The following CRPPA variants were observed in gnomAD, a reference collection of about 807,000 sequenced individuals.
CRPPA encodes the protein D-ribitol-5-phosphate cytidylyltransferase.
CRPPA carries 43 observed loss-of-function variants against 52.0 expected under a neutral mutation model. The ratio of observed to expected loss-of-function variants is 0.83; its 90% CI spans 0.65 to 1.07. The LOEUF (loss-of-function observed/expected upper bound fraction) is 1.07, where lower values mean the gene tolerates loss of function less well. Ranked by LOEUF, CRPPA falls within the 50% of genes least tolerant of loss-of-function variation. The pLI, the probability that CRPPA is intolerant of heterozygous loss-of-function variation, is 0.00. For synonymous variants in CRPPA, 250 were observed against 203.5 expected, an observed-to-expected ratio of 1.23 and a Z score of -1.94; for missense variants, 629 against 551.7, an observed-to-expected ratio of 1.14 and a Z score of -1.40.
chr7:16,094,028 T>G (rs1781889144), intron 9 of CRPPA, among the ~76,000 whole-genome samples: 1 of 152,174 alleles, frequency 6.6e-6, no homozygotes, highest in African/African-American at 2.4e-5. Context: ...AAGGAAAAAC[T>G]GTTTAGGATC....
At chr7:16,203,441 A>G (rs1022531983) in intron 9 of CRPPA, among the ~76,000 whole-genome samples, 1 of 152,216 alleles carries the variant, frequency 6.6e-6, no homozygotes, top group Non-Finnish European at 1.5e-5. Flanking sequence ...CAACAGGCTT[A>G]ATCAGAGTTA....
At chr7:16,300,477 G>A (rs549633896) in intron 5 of CRPPA, among the ~76,000 whole-genome samples, 5 of 152,300 alleles carry the variant, frequency 3.3e-5, no homozygotes, top group South Asian at 2.1e-4. Flanking sequence ...GGATTGGGGT[G>A]AACATCTCCG....
At chr7:16,094,931 G>A (rs139357072) in intron 9 of CRPPA, among the ~76,000 whole-genome samples, 20 of 152,108 alleles carry the variant, frequency 1.3e-4, no homozygotes, top group African/African-American at 4.6e-4. Context: ...AAGTAACATG[G>A]GGTACTGGAA....
intron 3 of CRPPA, among the ~76,000 whole-genome samples, chr7:16,374,160 C>T (rs556990006): frequency 6.6e-6 from 1 of 152,224 alleles, no homozygotes; most frequent in East Asian, 1.9e-4. Flanking sequence ...GGAAAACCCA[C>T]CTTCAATGTG....
At chr7:16,227,295 T>C (rs1435977711) in intron 8 of CRPPA, among the ~76,000 whole-genome samples, 1 of 151,810 alleles carries the variant, frequency 6.6e-6, no homozygotes, top group East Asian at 1.9e-4. Context: ...TATTTTTAAT[T>C]TGTTAGGAAT....
At chr7:16,117,305 G>A (rs1282105983) in intron 9 of CRPPA, among the ~76,000 whole-genome samples, 1 of 152,164 alleles carries the variant, frequency 6.6e-6, no homozygotes, top group Admixed American at 6.5e-5. Flanking sequence ...GCAGCATCAG[G>A]GGTGAGTTCT....
At chr7:16,249,073 G>A (rs559894354) in intron 8 of CRPPA, among the ~76,000 whole-genome samples, 1 of 152,220 alleles carries the variant, frequency 6.6e-6, no homozygotes, top group East Asian at 1.9e-4. Context: ...TTAAGTAGGC[G>A]GTTTTATGCT....
At chr7:16,224,133 C>A (rs925848700) in intron 8 of CRPPA, among the ~76,000 whole-genome samples, 2 of 151,844 alleles carry the variant, frequency 1.3e-5, no homozygotes, top group Admixed American at 6.6e-5. Flanking sequence ...TGTGGGTGGG[C>A]GAGGTTTCCG....
chr7:16,190,543 T>C (rs1387708775), intron 9 of CRPPA, among the ~76,000 whole-genome samples: 1 of 152,218 alleles, frequency 6.6e-6, no homozygotes, highest in Non-Finnish European at 1.5e-5. Context: ...CTGATTATGC[T>C]ATTCCTCCCG....
intron 9 of CRPPA, among the ~76,000 whole-genome samples, chr7:16,176,374 G>A (rs947998155): frequency 6.6e-5 from 10 of 152,116 alleles, no homozygotes; most frequent in South Asian, 2.1e-4. Flanking sequence ...CAACCAAAGC[G>A]ATTCACCAAA....
intron 1 of CRPPA, among the ~76,000 whole-genome samples, chr7:16,416,335 G>T (rs931812171): frequency 4.6e-5 from 7 of 152,000 alleles, no homozygotes; most frequent in Non-Finnish European, 8.8e-5. Flanking sequence ...AATAAAACTG[G>T]ACCCCTACCT....
chr7:16,217,900 A>G (rs1293470054), intron 8 of CRPPA, among the ~76,000 whole-genome samples: 1 of 152,024 alleles, frequency 6.6e-6, no homozygotes, highest in African/African-American at 2.4e-5. Flanking sequence ...TCCCCAATCT[A>G]GCAAGGCAGG....
chr7:16,325,260 G>A (rs1326436683), intron 3 of CRPPA, among the ~76,000 whole-genome samples: 2 of 152,136 alleles, frequency 1.3e-5, no homozygotes, highest in African/African-American at 4.8e-5. Flanking sequence ...TCTTTGAGCT[G>A]GAGAACGATG....
At chr7:16,389,931 ATAT>A (rs1562673885) in intron 2 of CRPPA, among the ~76,000 whole-genome samples, 91 of 95,932 alleles carry the variant, frequency 9.5e-4, no homozygotes, top group South Asian at 3.0e-3. Flanking sequence ...AAAAAAAAAT[ATAT>A]ATATATATAT....
At chr7:16,202,661 T>C (rs1182145412) in intron 9 of CRPPA, among the ~76,000 whole-genome samples, 2 of 152,204 alleles carry the variant, frequency 1.3e-5, no homozygotes, top group East Asian at 1.9e-4. Flanking sequence ...CAGGGAATAC[T>C]TGAGTGAAAG....
chr7:16,157,998 C>A (rs972971419), intron 9 of CRPPA, among the ~76,000 whole-genome samples: 1 of 151,898 alleles, frequency 6.6e-6, no homozygotes, highest in African/African-American at 2.4e-5. Flanking sequence ...CCTCAGCCTC[C>A]TGAGTAGCTG....
At chr7:16,250,895 T>C (rs1783430641) in intron 8 of CRPPA, among the ~76,000 whole-genome samples, 1 of 152,062 alleles carries the variant, frequency 6.6e-6, no homozygotes, top group Admixed American at 6.6e-5. Flanking sequence ...TAAATGTAAA[T>C]GGAATAAATG....
At chr7:16,269,661 T>A (rs1445941289) in intron 6 of CRPPA, 1 of 152,192 alleles carries the variant, frequency 6.6e-6, no homozygotes, top group African/African-American at 2.4e-5. Flanking sequence ...CACGATAATG[T>A]ACTGTGGTTA....
intron 2 of CRPPA, among the ~76,000 whole-genome samples, chr7:16,383,524 G>C (rs979021170): frequency 1.3e-5 from 2 of 152,184 alleles, no homozygotes; most frequent in Admixed American, 1.3e-4. Context: ...TCTCTTCAAA[G>C]CTGTCAGACA....
Sources: gnomAD v4.1 joint callset for allele counts (sites outside exome capture counted in the v4.1 genomes callset) on GRCh38, gnomAD v4.1.1 for gene constraint, MANE v1.5 for transcripts, NCBI Gene and HGNC (gene_info 2026-07-23, HGNC 2026-07-21) for gene names.